The following ZFAT variants were observed in gnomAD, a reference collection of about 807,000 sequenced individuals.
ZFAT encodes the protein zinc finger protein ZFAT.
ZFAT carries 64 observed loss-of-function variants against 117.7 expected under a neutral mutation model. The observed-to-expected ratio is 0.54, with a 90% CI of 0.44 to 0.67. The LOEUF (loss-of-function observed/expected upper bound fraction) is 0.67, where lower values mean the gene tolerates loss of function less well. Ranked by LOEUF, ZFAT falls within the 30% of genes least tolerant of loss-of-function variation. The probability of loss-of-function intolerance (pLI) is 0.00; values close to 1 mark genes in which losing one functional copy is unlikely to be tolerated. For synonymous variants in ZFAT, 679 were observed against 615.0 expected (o/e 1.10, Z -1.54); for missense variants, 1,433 against 1,584.5 (o/e 0.90, Z 1.62).
intron 9 of ZFAT, among the ~76,000 whole-genome samples, chr8:134,587,511 A>G (rs887324692): frequency 1.3e-5 from 2 of 152,076 alleles, no homozygotes; most frequent in African/African-American, 4.8e-5. Context: ...TATCTGCAGC[A>G]TTCCAGGTTC....
At chr8:134,744,295 GTTTT>G in the ZFAT span, among the ~76,000 whole-genome samples, 3 of 132,102 alleles carry the variant, frequency 2.3e-5, no homozygotes, top group Admixed American at 1.5e-4. Context: ...GAGGCTAAGA[GTTTT>G]TTTTTTTTTT....
chr8:134,529,187 A>G (rs1356029241), intron 12 of ZFAT, among the ~76,000 whole-genome samples: 1 of 152,148 alleles, frequency 6.6e-6, no homozygotes, highest in Non-Finnish European at 1.5e-5. Context: ...CCAATAACCT[A>G]GAGAGACTTG....
At chr8:134,556,284 A>G (rs950136595) in intron 11 of ZFAT, among the ~76,000 whole-genome samples, 6 of 151,826 alleles carry the variant, frequency 4.0e-5, no homozygotes, top group African/African-American at 1.5e-4. Flanking sequence ...AATTAAAGGG[A>G]GAGAGAGAGA....
At chr8:134,566,254 C>T (rs754873788) in intron 10 of ZFAT, among the ~76,000 whole-genome samples, 8 of 151,928 alleles carry the variant, frequency 5.3e-5, no homozygotes, top group Non-Finnish European at 8.8e-5. Flanking sequence ...ATTAGCCAGG[C>T]GCAGTCGCGG....
At chr8:134,817,409 A>T in the ZFAT span, among the ~76,000 whole-genome samples, 644 of 96,902 alleles carry the variant, frequency 6.6e-3, 4 homozygotes, top group African/African-American at 0.022. Flanking sequence ...ACACACACAC[A>T]CACACACACA....
intron 2 of ZFAT, among the ~76,000 whole-genome samples, chr8:134,645,582 A>G (rs1830839195): frequency 6.6e-6 from 1 of 152,240 alleles, no homozygotes; most frequent in African/African-American, 2.4e-5. Context: ...GCTCAATGAT[A>G]AGAATTTGAT....
chr8:134,811,487 A>T, the ZFAT span, among the ~76,000 whole-genome samples: 8 of 152,332 alleles, frequency 5.3e-5, no homozygotes, highest in East Asian at 5.8e-4. Context: ...CCCAGGTCAG[A>T]AAAAACAAGT....
intron 13 of ZFAT, among the ~76,000 whole-genome samples, chr8:134,516,830 G>A (rs1184323136): frequency 6.8e-6 from 1 of 147,862 alleles, no homozygotes; most frequent in Non-Finnish European, 1.5e-5. Flanking sequence ...ATGGCATGCC[G>A]GCCTGGGTAG....
At chr8:134,646,647 C>T (rs567292648) in intron 2 of ZFAT, among the ~76,000 whole-genome samples, 1 of 151,520 alleles carries the variant, frequency 6.6e-6, no homozygotes, top group South Asian at 2.1e-4. Context: ...AGTTGAGAAA[C>T]CCTTAGCTAG....
At chr8:134,553,271 C>A (rs112636065) in intron 11 of ZFAT, among the ~76,000 whole-genome samples, 1 of 152,022 alleles carries the variant, frequency 6.6e-6, no homozygotes, top group South Asian at 2.1e-4. Context: ...TTTGGGAGGC[C>A]GAGGCAGGTG....
In ZFAT at chr8:134,687,506, T is replaced by TCATA. The variant is rs536464755; in HGVS notation, c.19+25335_19+25338dup. Among the ~76,000 whole-genome samples, 138 of 152,202 alleles carry TCATA rather than the reference T, an allele frequency of 9.1e-4. 2 individuals are homozygous for TCATA. The South Asian group carries it at 0.017, about 18-fold the overall frequency. On this transcript the variant is annotated intron_variant, in intron 1 of 15. Transcript: ENST00000377838. The stretch of plus-strand genomic sequence containing the variant: ...AATACATTCACATTTAACACAATAA[T>TCATA]CATAGCTTTAAAATGTGGCCCTCAG...
the ZFAT span, among the ~76,000 whole-genome samples, chr8:134,822,065 AT>A: frequency 6.6e-6 from 1 of 152,146 alleles, no homozygotes; most frequent in South Asian, 2.1e-4. Context: ...TCAAAATTGT[AT>A]TTATTCTAGA....
the ZFAT span, chr8:134,764,953 A>G: frequency 6.6e-6 from 1 of 152,246 alleles, no homozygotes; most frequent in African/African-American, 2.4e-5. Context: ...GGAGAAGAAC[A>G]TGGCAGTATA....
At chr8:134,586,523 T>C (rs900896008) in intron 9 of ZFAT, among the ~76,000 whole-genome samples, 6 of 152,246 alleles carry the variant, frequency 3.9e-5, no homozygotes, top group African/African-American at 1.2e-4. Flanking sequence ...AATTACAGTT[T>C]GATGCCTTTA....
intron 11 of ZFAT, among the ~76,000 whole-genome samples, chr8:134,543,640 T>C (rs953803400): frequency 6.6e-6 from 1 of 152,192 alleles, no homozygotes; most frequent in East Asian, 1.9e-4. Context: ...TTCCCCTCAA[T>C]ATCCTTGAGA....
intron 2 of ZFAT, among the ~76,000 whole-genome samples, chr8:134,654,149 G>A (rs916308899): frequency 6.6e-6 from 1 of 152,140 alleles, no homozygotes; most frequent in Non-Finnish European, 1.5e-5. Context: ...ACAAAAATTA[G>A]CTGGGTGTGG....
At position 134,493,040 on chromosome 8, in the gene ZFAT, G is replaced by T. The variant is rs565431044; in HGVS notation, c.3493-14319C>A. 2.2e-3 allele frequency among the ~76,000 whole-genome samples: 332 copies of T among 152,338 alleles called. 1 individual carries two copies. Among genetic ancestry groups the T allele is most frequent in the African/African-American group, 7.6e-3 (314 of 41,574 alleles). ...TCATGGAGGAAGACAGTATAATGCT[G>T]CCTCTCCACCCTATTTTTTGTCTTG... On this transcript the variant is annotated intron_variant, in intron 15 of 15. Transcript: ENST00000377838.
At chr8:134,670,127 A>T (rs1832480560) in intron 1 of ZFAT, among the ~76,000 whole-genome samples, 1 of 152,240 alleles carries the variant, frequency 6.6e-6, no homozygotes, top group Non-Finnish European at 1.5e-5. Flanking sequence ...CTACAAAGAG[A>T]CTTAGACTCC....
Position 134,664,522 on chromosome 8 carries a change from G to C in ZFAT, c.20-6785C>G, listed in dbSNP as rs143635057. ...CCAAAAGCCCAGAGCAGAGAGCATG[G>C]TGCTCCCTTTTCAACAGAACCTATG... On this transcript the variant is annotated intron_variant, in intron 1 of 15. Coordinates refer to ENST00000377838, the MANE Select transcript of ZFAT (RefSeq NM_020863.4). Among the ~76,000 whole-genome samples the C allele has an allele frequency of 4.9e-3, 754 of 152,332 alleles. 3 individuals carry two copies. The highest frequency in any genetic ancestry group is 8.0e-3 in the Non-Finnish European group (541 of 68,024).
Sources: gnomAD v4.1 joint callset for allele counts (sites outside exome capture counted in the v4.1 genomes callset) on GRCh38, gnomAD v4.1.1 for gene constraint, MANE v1.5 for transcripts, NCBI Gene and HGNC (gene_info 2026-07-23, HGNC 2026-07-21) for gene names.